Variants in LYSMD2 observed in about 807,000 individuals in gnomAD.
LYSMD2 encodes the protein lysM and putative peptidoglycan-binding domain-containing protein 2.
In LYSMD2, 6 loss-of-function variants were observed where a neutral mutation model predicts 17.7. The observed-to-expected ratio is 0.34, with a 90% CI of 0.19 to 0.67. The LOEUF (loss-of-function observed/expected upper bound fraction) is 0.67, where lower values mean the gene tolerates loss of function less well. Among genes scored for constraint, LYSMD2 ranks in the 30% least tolerant of loss-of-function variants. LYSMD2 has a pLI of 0.69. For synonymous variants in LYSMD2, 102 were observed against 129.8 expected, an observed-to-expected ratio of 0.79 and a Z score of 1.45; for missense variants, 237 against 286.7, an observed-to-expected ratio of 0.83 and a Z score of 1.25.
upstream of LYSMD2, among the ~76,000 whole-genome samples, chr15:51,740,828 TAAAA>T (rs987682354): frequency 2.6e-5 from 4 of 151,060 alleles, no homozygotes; most frequent in African/African-American, 4.9e-5. Context: ...AGATAAAAAA[TAAAA>T]GAAAGAAAGA....
At chr15:51,736,815 C>G (rs1005087199) in intron 1 of LYSMD2, among the ~76,000 whole-genome samples, 1 of 152,148 alleles carries the variant, frequency 6.6e-6, no homozygotes. Flanking sequence ...GCCAGTGAGC[C>G]CAGAGGGTGT....
chr15:51,724,665 A>C (rs1459636967), intron 2 of LYSMD2, 125 bp downstream of exon 2: 8 of 576,240 alleles, frequency 1.4e-5, no homozygotes, highest in African/African-American at 1.2e-4. Flanking sequence ...AAAAAAAGAA[A>C]AAAAATCAGA....
chr15:51,739,921 T>C (rs2055634664), upstream of LYSMD2, among the ~76,000 whole-genome samples: 1 of 152,058 alleles, frequency 6.6e-6, no homozygotes, highest in Admixed American at 6.6e-5. Context: ...AGTGAGACCC[T>C]GGGGTTTTTT....
In LYSMD2 at chr15:51,723,326, A is replaced by G; in HGVS notation, c.*281T>C. The stretch of plus-strand genomic sequence containing the variant: ...AAATAATCTTTGATGCTTTATGTCA[A>G]TTAGTATTTATAAAAGCTAGTCTAA... On this transcript the variant is annotated 3_prime_UTR_variant, in exon 3 of 3. Transcript: ENST00000267838. The G allele has an allele frequency of 3.2e-6, 1 of 311,198 alleles. No homozygotes were observed. The highest frequency in any genetic ancestry group is 4.6e-5 in the Admixed American group (1 of 21,640). 19.3% of individuals were successfully genotyped at this position (311,198 alleles called of 1,614,324 possible).
chr15:51,740,440 G>A (rs573520183), upstream of LYSMD2, among the ~76,000 whole-genome samples: 1 of 152,326 alleles, frequency 6.6e-6, no homozygotes, highest in Admixed American at 6.5e-5. Context: ...CCTTTGAAGG[G>A]AATGGTAAGA....
chr15:51,731,289 C>A (rs534824039), intron 1 of LYSMD2, among the ~76,000 whole-genome samples: 2 of 152,342 alleles, frequency 1.3e-5, no homozygotes, highest in Admixed American at 6.5e-5. Context: ...CCCCGAATGA[C>A]TAAAGGCTAC....
At chr15:51,746,745 C>T in intron 1 of LYSMD2, among the ~76,000 whole-genome samples, 1 of 152,116 alleles carries the variant, frequency 6.6e-6, no homozygotes, top group Non-Finnish European at 1.5e-5. Context: ...CACCACTCTA[C>T]CCCGTCTCCC....
intron 1 of LYSMD2, among the ~76,000 whole-genome samples, chr15:51,729,151 AGC>A (rs2055559918): frequency 6.6e-6 from 1 of 152,294 alleles, no homozygotes; most frequent in African/African-American, 2.4e-5. Context: ...AAAAAGGAGT[AGC>A]AAATGCCCTG....
chr15:51,748,147 G>A (rs1234386037), intron 1 of LYSMD2, among the ~76,000 whole-genome samples: 3 of 151,232 alleles, frequency 2.0e-5, no homozygotes, highest in Admixed American at 6.6e-5. Flanking sequence ...GGCAGCACCT[G>A]TAGTCCCAGC....
At chr15:51,749,459 C>T (rs560684683) in intron 1 of LYSMD2, among the ~76,000 whole-genome samples, 12 of 152,332 alleles carry the variant, frequency 7.9e-5, no homozygotes, top group East Asian at 1.9e-4. Context: ...ATCTCTGCTT[C>T]GACTGCCGAA....
intron 1 of LYSMD2, among the ~76,000 whole-genome samples, chr15:51,747,946 C>A (rs1595856101): frequency 6.6e-6 from 1 of 152,136 alleles, no homozygotes; most frequent in African/African-American, 2.4e-5. Flanking sequence ...TTTCTAATAA[C>A]CCCATGTGGT....
At chr15:51,733,013 AG>A (rs2055586050) in intron 1 of LYSMD2, among the ~76,000 whole-genome samples, 1 of 152,210 alleles carries the variant, frequency 6.6e-6, no homozygotes, top group African/African-American at 2.4e-5. Flanking sequence ...TCAGAGAAAA[AG>A]ACAAAGCCCT....
intron 1 of LYSMD2, among the ~76,000 whole-genome samples, chr15:51,733,669 C>T (rs1439375319): frequency 6.6e-6 from 1 of 152,008 alleles, no homozygotes; most frequent in African/African-American, 2.4e-5. Context: ...AATGTGAGGC[C>T]CTTGTTCACA....
chr15:51,743,684 T>C (rs1335575715), intron 1 of LYSMD2, among the ~76,000 whole-genome samples: 4 of 152,256 alleles, frequency 2.6e-5, no homozygotes, highest in Non-Finnish European at 5.9e-5. Flanking sequence ...TGGGATTGCA[T>C]TGAATCAATA....
At chr15:51,735,337 A>G (rs1055599036) in intron 1 of LYSMD2, among the ~76,000 whole-genome samples, 2 of 152,196 alleles carry the variant, frequency 1.3e-5, no homozygotes, top group Admixed American at 1.3e-4. Context: ...GTAATAAACC[A>G]GTGGTCCTCA....
chr15:51,725,348 C>T (rs963000470), intron 1 of LYSMD2, among the ~76,000 whole-genome samples: 2 of 152,146 alleles, frequency 1.3e-5, no homozygotes, highest in South Asian at 2.1e-4. Flanking sequence ...CTAATTTTTC[C>T]ACATTATACT....
At chr15:51,749,988 G>A (rs543284131) in intron 1 of LYSMD2, among the ~76,000 whole-genome samples, 6 of 152,336 alleles carry the variant, frequency 3.9e-5, no homozygotes, top group East Asian at 3.9e-4. Context: ...CAGCCACTGC[G>A]TGCCAGTGTT....
chr15:51,725,084 T>A lies in LYSMD2; in HGVS notation c.311A>T (p.Asn104Ile). 6.2e-7 allele frequency: 1 copy of A among 1,610,982 alleles called. No individual in the cohort carries two copies. ...QIKRANKLFT[N>I]DCIFLKKTLN... Reference sequence around the variant, plus strand: ...AGTTTTCTTCAGAAATATACAATCATTGGTAAACAGTTTATTGGCCCTTTT... The same window carrying A: ...AGTTTTCTTCAGAAATATACAATCAATGGTAAACAGTTTATTGGCCCTTTT... The change falls in exon 2 of 3, where the codon AAT (asparagine) becomes ATT (isoleucine). Residue 104 changes from asparagine (N) to isoleucine (I), a missense_variant. Asn to Ile is a moderately radical substitution (Grantham distance 149, BLOSUM62 -3). Transcript: ENST00000267838.
At chr15:51,742,405 T>A (rs893333904), upstream of LYSMD2, among the ~76,000 whole-genome samples, 1 of 152,236 alleles carries the variant, frequency 6.6e-6, no homozygotes, top group Non-Finnish European at 1.5e-5. Flanking sequence ...CATATTAATT[T>A]GACTCTTCTA....
Sources: allele counts gnomAD v4.1 joint callset (sites outside exome capture counted in the v4.1 genomes callset), GRCh38; gene constraint gnomAD v4.1.1; transcripts MANE v1.5; gene names NCBI Gene and HGNC (gene_info 2026-07-23, HGNC 2026-07-21).